Variants in WDR7 observed in about 807,000 individuals in gnomAD.
WDR7 encodes the protein WD repeat domain 7.
WDR7 carries 46 observed loss-of-function variants against 169.4 expected under a neutral mutation model. That is an observed-to-expected ratio of 0.27 (90% CI 0.21 to 0.35). The LOEUF (loss-of-function observed/expected upper bound fraction) is 0.35, where lower values mean the gene tolerates loss of function less well. Ranked by LOEUF, WDR7 falls within the 10% of genes least tolerant of loss-of-function variation. WDR7 has a pLI of 1.00. For synonymous variants in WDR7, 612 were observed against 666.8 expected, an observed-to-expected ratio of 0.92 and a Z score of 1.27; for missense variants, 1,534 against 1,859.3, an observed-to-expected ratio of 0.83 and a Z score of 3.22.
chr18:56,936,760 T>C lies in WDR7; in HGVS notation c.3831+855T>C, dbSNP rs140146436. On this transcript the variant is annotated intron_variant, in intron 23 of 27. Coordinates refer to ENST00000254442, the MANE Select transcript of WDR7 (RefSeq NM_015285.3). ...AGGAAAGAAAGTCCTAATAGCATTTTGTATAGGCTTATGTGAGGCACTGAG... is the reference window on the plus strand; with the variant it reads ...AGGAAAGAAAGTCCTAATAGCATTTCGTATAGGCTTATGTGAGGCACTGAG... Among the ~76,000 whole-genome samples the C allele has an allele frequency of 7.7e-4, 118 of 152,320 alleles. 2 individuals are homozygous for C. In the East Asian group the frequency reaches 0.022, roughly 28 times the overall value.
At position 56,858,056 on chromosome 18, in the gene WDR7, T is replaced by C. The variant is rs563955270; in HGVS notation, c.3305-21888T>C. ...TCATTTCCAGCTTTCTCTCTCCAGATCTCATCTCTCTGCTGAGCTCCAGGC... is the reference window on the plus strand; with the variant it reads ...TCATTTCCAGCTTTCTCTCTCCAGACCTCATCTCTCTGCTGAGCTCCAGGC... On this transcript the variant is annotated intron_variant, in intron 20 of 27. Coordinates refer to ENST00000254442, the MANE Select transcript of WDR7 (RefSeq NM_015285.3). 5.1e-4 allele frequency among the ~76,000 whole-genome samples: 78 copies of C among 152,188 alleles called. 1 individual carries two copies. The highest frequency in any genetic ancestry group is 8.5e-4 in the Admixed American group (13 of 15,272).
At chr18:56,830,036 A>C (rs1345353998) in intron 20 of WDR7, among the ~76,000 whole-genome samples, 1 of 152,152 alleles carries the variant, frequency 6.6e-6, no homozygotes, top group African/African-American at 2.4e-5. Context: ...AGCAGCTCTA[A>C]ATTGGTTAGT....
intron 20 of WDR7, among the ~76,000 whole-genome samples, chr18:56,863,659 T>C (rs1441583130): frequency 7.3e-6 from 1 of 136,338 alleles, no homozygotes; most frequent in Non-Finnish European, 1.5e-5. Context: ...GAAAGTAATT[T>C]ATATTTACAT....
At chr18:56,871,366 T>A (rs2045950733) in intron 20 of WDR7, among the ~76,000 whole-genome samples, 1 of 152,204 alleles carries the variant, frequency 6.6e-6, no homozygotes, top group Non-Finnish European at 1.5e-5. Flanking sequence ...ATTATTTTAG[T>A]CTCTACATGT....
At chr18:56,766,651 A>G (rs1355415387) in intron 16 of WDR7, among the ~76,000 whole-genome samples, 1 of 152,084 alleles carries the variant, frequency 6.6e-6, no homozygotes, top group Non-Finnish European at 1.5e-5. Context: ...TGGCCCCCTC[A>G]AAGTGCTGGG....
rs149680530 is a variant in WDR7 at position 56,828,794 on chromosome 18, A to G, written c.3304+12650A>G. ...CTAAATGTGAGAGTAGAATATAGAC[A>G]GTTTTAGAAATGCAGGTTATCAAAA... On this transcript the variant is annotated intron_variant, in intron 20 of 27. Coordinates refer to ENST00000254442, the MANE Select transcript of WDR7 (RefSeq NM_015285.3). Among the ~76,000 whole-genome samples the G allele has an allele frequency of 4.0e-4, 61 of 152,322 alleles. No homozygotes were observed. In the East Asian group the frequency reaches 0.011, roughly 28 times the overall value.
chr18:57,002,291 ATTTTC>A (rs2047993291), intron 26 of WDR7, among the ~76,000 whole-genome samples: 2 of 152,130 alleles, frequency 1.3e-5, no homozygotes, highest in Non-Finnish European at 2.9e-5. Flanking sequence ...CTGTACTATA[ATTTTC>A]TTTATTGATA....
intron 13 of WDR7, among the ~76,000 whole-genome samples, chr18:56,724,639 T>G (rs983583393): frequency 6.6e-6 from 1 of 151,536 alleles, no homozygotes; most frequent in African/African-American, 2.4e-5. Context: ...TTTTTTACCT[T>G]TTTTTAATTT....
intron 24 of WDR7, among the ~76,000 whole-genome samples, chr18:56,939,075 A>G (rs1241742277): frequency 2.6e-5 from 4 of 152,158 alleles, no homozygotes; most frequent in Admixed American, 2.6e-4. Flanking sequence ...TTGACTTTAA[A>G]CTAAACAAGT....
chr18:56,966,770 C>G (rs1260988580), intron 26 of WDR7, among the ~76,000 whole-genome samples: 1 of 152,144 alleles, frequency 6.6e-6, no homozygotes, highest in Non-Finnish European at 1.5e-5. Context: ...AGGATTCTTG[C>G]TGAAGGCAGG....
chr18:56,921,764 G>A (rs2145636278), intron 21 of WDR7, among the ~76,000 whole-genome samples: 1 of 152,254 alleles, frequency 6.6e-6, no homozygotes, highest in East Asian at 1.9e-4. Context: ...GAACAGTGAT[G>A]GAAAATATCA....
At chr18:56,740,565 A>G (rs191221861) in intron 14 of WDR7, among the ~76,000 whole-genome samples, 3 of 152,200 alleles carry the variant, frequency 2.0e-5, no homozygotes, top group Admixed American at 1.3e-4. Context: ...ATAAAGGCTG[A>G]CCAACTTAAT....
intron 2 of WDR7, among the ~76,000 whole-genome samples, chr18:56,677,048 A>G (rs948845772): frequency 6.6e-6 from 1 of 152,112 alleles, no homozygotes; most frequent in Non-Finnish European, 1.5e-5. Context: ...CAGTGTTGCA[A>G]TATTCTGTGT....
intron 22 of WDR7, among the ~76,000 whole-genome samples, chr18:56,931,495 C>G (rs965381264): frequency 6.6e-6 from 1 of 152,124 alleles, no homozygotes; most frequent in Non-Finnish European, 1.5e-5. Context: ...CTGAATTTGC[C>G]AGCTACTTCA....
chr18:56,867,341 A>T (rs781734111), intron 20 of WDR7, among the ~76,000 whole-genome samples: 3 of 152,080 alleles, frequency 2.0e-5, no homozygotes, highest in Admixed American at 6.6e-5. Flanking sequence ...CCAGCATAAA[A>T]TTTTTTTAAA....
intron 13 of WDR7, among the ~76,000 whole-genome samples, chr18:56,721,056 A>AC (rs2026309388): frequency 6.6e-6 from 1 of 152,008 alleles, no homozygotes; most frequent in Non-Finnish European, 1.5e-5. Context: ...TATTAAATAA[A>AC]TAAAAAATGA....
At chr18:56,810,647 A>G (rs770320287) in intron 19 of WDR7, among the ~76,000 whole-genome samples, 29 of 152,142 alleles carry the variant, frequency 1.9e-4, no homozygotes, top group South Asian at 8.3e-4. Flanking sequence ...TAAATGTTCT[A>G]TGTGACTCTT....
intron 26 of WDR7, among the ~76,000 whole-genome samples, chr18:57,019,698 G>A (rs1484006215): frequency 6.6e-6 from 1 of 152,020 alleles, no homozygotes; most frequent in African/African-American, 2.4e-5. Context: ...AAAATCTCCT[G>A]AAATGTACAC....
rs539594633 is a variant in WDR7, at chr18:56,738,400, C to G, written c.1989+6803C>G. Among the ~76,000 whole-genome samples, 7 of 152,156 alleles carry G rather than the reference C, an allele frequency of 4.6e-5. No individual in the cohort carries two copies. In the South Asian group the frequency reaches 1.5e-3, roughly 32 times the overall value. The stretch of plus-strand genomic sequence containing the variant: ...CCTGGGCAATGGTGAAACCCTGCCT[C>G]TACAAAAATTAGCCAGGCTTAGTGG... On this transcript the variant is annotated intron_variant, in intron 14 of 27. Transcript: ENST00000254442.
Sources: gnomAD v4.1 joint callset for allele counts (sites outside exome capture counted in the v4.1 genomes callset) on GRCh38, gnomAD v4.1.1 for gene constraint, MANE v1.5 for transcripts, NCBI Gene and HGNC (gene_info 2026-07-23, HGNC 2026-07-21) for gene names.